Variants in CUX2 observed in about 807,000 individuals in gnomAD.
CUX2 encodes the protein homeobox protein cut-like 2.
In CUX2, 40 loss-of-function variants were observed where a neutral mutation model predicts 144.8. The ratio of observed to expected loss-of-function variants is 0.28; its 90% CI spans 0.21 to 0.36. The LOEUF is 0.36. Among genes scored for constraint, CUX2 ranks in the 10% least tolerant of loss-of-function variants. CUX2 has a pLI of 1.00. For missense variants in CUX2, 1,615 were observed against 1,994.0 expected, an observed-to-expected ratio of 0.81 and a Z score of 3.62; for synonymous variants, 827 against 875.6, an observed-to-expected ratio of 0.94 and a Z score of 0.98.
chr12:111,194,129 G>C (rs1306979236), intron 1 of CUX2, among the ~76,000 whole-genome samples: 1 of 152,148 alleles, frequency 6.6e-6, no homozygotes, highest in East Asian at 1.9e-4. Context: ...AATCTCTAGA[G>C]CCAGACTCTT....
intron 3 of CUX2, among the ~76,000 whole-genome samples, chr12:111,241,099 C>T (rs754210034): frequency 2.0e-5 from 3 of 152,018 alleles, no homozygotes; most frequent in Non-Finnish European, 2.9e-5. Flanking sequence ...TTTGGGAAGC[C>T]GCATCTGGTG....
intron 18 of CUX2, among the ~76,000 whole-genome samples, chr12:111,325,589 GA>G (rs748839891): frequency 1.8e-4 from 26 of 148,338 alleles, no homozygotes; most frequent in Non-Finnish European, 3.3e-4. Context: ...GCCTACCTGG[GA>G]AAAGACTTCC....
intron 1 of CUX2, among the ~76,000 whole-genome samples, chr12:111,151,166 C>A (rs372029089): frequency 1.1e-4 from 17 of 152,328 alleles, no homozygotes; most frequent in African/African-American, 4.1e-4. Context: ...TTGGCTAATG[C>A]AGAATACTTG....
intron 3 of CUX2, among the ~76,000 whole-genome samples, chr12:111,236,483 G>A (rs780319741): frequency 6.6e-5 from 10 of 152,182 alleles, no homozygotes; most frequent in African/African-American, 9.7e-5. Context: ...GACGATCAGC[G>A]CAGGGGCCTC....
chr12:111,130,539 G>T (rs1270271109), intron 1 of CUX2, among the ~76,000 whole-genome samples: 1 of 152,208 alleles, frequency 6.6e-6, no homozygotes, highest in African/African-American at 2.4e-5. Context: ...AGTTCCCATG[G>T]TAAGGATTGG....
intron 1 of CUX2, among the ~76,000 whole-genome samples, chr12:111,058,549 C>CAGAG (rs141718995): frequency 2.7e-5 from 4 of 148,856 alleles, no homozygotes; most frequent in Admixed American, 6.7e-5. Context: ...GAGAGAGAGA[C>CAGAG]AGAGAGAGAG....
intron 1 of CUX2, among the ~76,000 whole-genome samples, chr12:111,177,530 A>G (rs933299729): frequency 6.6e-6 from 1 of 152,188 alleles, no homozygotes; most frequent in African/African-American, 2.4e-5. Flanking sequence ...AGCTGGGACT[A>G]CAGGTACGCG....
At chr12:111,241,300 A>G (rs1883008269) in intron 3 of CUX2, among the ~76,000 whole-genome samples, 1 of 152,190 alleles carries the variant, frequency 6.6e-6, no homozygotes, top group Admixed American at 6.5e-5. Context: ...CGGCCCAAAC[A>G]CTTCTCACTA....
chr12:111,158,445 CAA>C (rs1207315215), intron 1 of CUX2, among the ~76,000 whole-genome samples: 1 of 96,396 alleles, frequency 1.0e-5, no homozygotes, highest in Admixed American at 1.2e-4. Context: ...CAGTCTCTAC[CAA>C]AAAAAAAAAA....
At chr12:111,222,286 T>C (rs1009999527) in intron 3 of CUX2, among the ~76,000 whole-genome samples, 5 of 152,228 alleles carry the variant, frequency 3.3e-5, no homozygotes, top group South Asian at 4.1e-4. Context: ...TTTAAACTTA[T>C]TTTTACTTGG....
chr12:111,184,304 G>C (rs960350321), intron 1 of CUX2, among the ~76,000 whole-genome samples: 1 of 152,232 alleles, frequency 6.6e-6, no homozygotes, highest in African/African-American at 2.4e-5. Flanking sequence ...ATGAGTCGGG[G>C]ATTGGAAGTA....
At chr12:111,239,830 T>C (rs1882937841) in intron 3 of CUX2, among the ~76,000 whole-genome samples, 1 of 152,212 alleles carries the variant, frequency 6.6e-6, no homozygotes, top group Admixed American at 6.5e-5. Flanking sequence ...TCTGTGTCTG[T>C]CTGGGTTCTA....
intron 1 of CUX2, among the ~76,000 whole-genome samples, chr12:111,055,892 G>GA (rs1870499835): frequency 6.6e-6 from 1 of 152,226 alleles, no homozygotes; most frequent in Non-Finnish European, 1.5e-5. Context: ...ACTTCGCTGG[G>GA]AGTCGGGCTG....
chr12:111,238,933 T>C (rs1882890841), intron 3 of CUX2, among the ~76,000 whole-genome samples: 1 of 152,180 alleles, frequency 6.6e-6, no homozygotes. Context: ...TAGTCTCAGC[T>C]ACTCGGGAGG....
chr12:111,087,627 A>G (rs1164571916), intron 1 of CUX2, among the ~76,000 whole-genome samples: 9 of 152,206 alleles, frequency 5.9e-5, no homozygotes. Context: ...CGACTTAGCC[A>G]TAAGTTGTTT....
At chr12:111,115,574 T>G (rs1874248185) in intron 1 of CUX2, among the ~76,000 whole-genome samples, 1 of 152,140 alleles carries the variant, frequency 6.6e-6, no homozygotes, top group Non-Finnish European at 1.5e-5. Context: ...CTTAATAATA[T>G]TGAATCTTCC....
In CUX2 at chr12:111,039,602, A is replaced by G. The variant is rs1263666570; in HGVS notation, c.63+5362A>G. Among the ~76,000 whole-genome samples the G allele has an allele frequency of 6.6e-6, 1 of 152,264 alleles. No individual in the cohort carries two copies. The highest frequency in any genetic ancestry group is 1.5e-5 in the Non-Finnish European group (1 of 68,018). On this transcript the variant is annotated intron_variant, in intron 1 of 21. Coordinates refer to ENST00000261726, the MANE Select transcript of CUX2 (RefSeq NM_015267.4). This position sits in a 1 kb window ranked among gnomAD's most constrained non-coding sequence, Gnocchi z 4.2. ...CGCTCTGCCACCCAGGCTGGAGTGCAGTGGTGCAATCTCAGCTCACTGCAA... is the reference window on the plus strand; with the variant it reads ...CGCTCTGCCACCCAGGCTGGAGTGCGGTGGTGCAATCTCAGCTCACTGCAA...
chr12:111,216,412 TTTA>T (rs1191597385), intron 2 of CUX2, among the ~76,000 whole-genome samples: 1 of 152,196 alleles, frequency 6.6e-6, no homozygotes, highest in Non-Finnish European at 1.5e-5. Context: ...CCATCACATT[TTTA>T]TTTAGTCTGT....
chr12:111,282,674 G>A (rs1241613568), intron 4 of CUX2, among the ~76,000 whole-genome samples: 9 of 148,564 alleles, frequency 6.1e-5, no homozygotes, highest in African/African-American at 1.7e-4. Context: ...AGGCTTAAAC[G>A]CAAGAAATTT....
Sources: allele counts gnomAD v4.1 joint callset (sites outside exome capture counted in the v4.1 genomes callset), GRCh38; gene constraint gnomAD v4.1.1; non-coding constraint Gnocchi (gnomAD v3.1); transcripts MANE v1.5; gene names NCBI Gene and HGNC (gene_info 2026-07-23, HGNC 2026-07-21).